Variants in GLS observed in about 807,000 individuals in gnomAD.
GLS encodes glutaminase.
A neutral mutation model predicts 86.7 loss-of-function variants in GLS; 36 were observed. The observed-to-expected ratio is 0.42, with a 90% CI of 0.32 to 0.55. The LOEUF (loss-of-function observed/expected upper bound fraction) is 0.55, where lower values mean the gene tolerates loss of function less well. Ranked by LOEUF, GLS falls within the 20% of genes least tolerant of loss-of-function variation. The probability of loss-of-function intolerance (pLI) is 0.17; values close to 1 mark genes in which losing one functional copy is unlikely to be tolerated. For missense variants in GLS, 528 were observed against 833.4 expected (o/e 0.63, Z 4.51); for synonymous variants, 317 against 305.9 (o/e 1.04, Z -0.38).
intron 17 of GLS, among the ~76,000 whole-genome samples, chr2:190,961,065 A>G (rs929885040): frequency 1.3e-5 from 2 of 152,224 alleles, no homozygotes; most frequent in Non-Finnish European, 2.9e-5. Flanking sequence ...ATTGGCCTCT[A>G]GGAATGTGAA....
chr2:190,954,533 G>C lies in GLS; in HGVS notation c.1713-51G>C, dbSNP rs963821336. On this transcript the variant is annotated intron_variant, in intron 15 of 17. Transcript: ENST00000320717. This position sits in a 1 kb window ranked among gnomAD's most constrained non-coding sequence, Gnocchi z 4.0. ...CTGATGGAGTGAATGTTACCAGTGT[G>C]AATTAAATTTGCTTTATATATAATA... 6 of 1,193,552 alleles carry C rather than the reference G, an allele frequency of 5.0e-6. No individual in the cohort carries two copies. The African/African-American group carries it at 9.1e-5, about 18-fold the overall frequency. 73.9% of individuals were successfully genotyped at this position (1,193,552 alleles called of 1,614,324 possible).
At chr2:190,889,356 A>G (rs1274580098) in intron 1 of GLS, among the ~76,000 whole-genome samples, 1 of 152,092 alleles carries the variant, frequency 6.6e-6, no homozygotes, top group African/African-American at 2.4e-5. Flanking sequence ...CATACTCCCT[A>G]TAGGTTGTTG....
chr2:190,933,272 T>C (rs1270283636), intron 14 of GLS: 1 of 905,446 alleles, frequency 1.1e-6, no homozygotes, highest in African/African-American at 1.8e-5. Context: ...TTAAAACTAA[T>C]GTGATGTCTT....
At chr2:190,903,182 C>T (rs981332155) in intron 5 of GLS, among the ~76,000 whole-genome samples, 2 of 152,132 alleles carry the variant, frequency 1.3e-5, no homozygotes, top group East Asian at 1.9e-4. Context: ...ATCTGTGACT[C>T]GTAAGGACCT....
Position 190,947,848 on chromosome 2 carries a change from AGTTT to A in GLS, c.1651-5711_1651-5708del, listed in dbSNP as rs1164880015. On this transcript the variant is annotated intron_variant, in intron 14 of 17. Coordinates refer to ENST00000320717, the MANE Select transcript of GLS (RefSeq NM_014905.5). The surrounding 1 kb of genome is among the most constrained non-coding windows in gnomAD (Gnocchi z 5.0). Reference sequence around the variant, plus strand: ...ATCTTCTAGAGTGCCCCTCTCCTTCAGTTTGTTTGCTATGATAGGCATTCCAGAG... The same window carrying A: ...ATCTTCTAGAGTGCCCCTCTCCTTCAGTTTGCTATGATAGGCATTCCAGAG... 6.6e-6 allele frequency among the ~76,000 whole-genome samples: 1 copy of A among 152,084 alleles called. No individual in the cohort carries two copies. The highest frequency in any genetic ancestry group is 2.4e-5 in the African/African-American group (1 of 41,402).
chr2:190,907,568 T>G (rs992527578), intron 6 of GLS, among the ~76,000 whole-genome samples: 1 of 152,204 alleles, frequency 6.6e-6, no homozygotes, highest in Non-Finnish European at 1.5e-5. Context: ...AACAGTAGTT[T>G]TAAAATGTTT....
chr2:190,934,269 G>A, intron 14 of GLS: 1 of 956,884 alleles, frequency 1.0e-6, no homozygotes, highest in Non-Finnish European at 1.2e-6. Context: ...TTAGATACTA[G>A]TGCAAATAAA....
intron 1 of GLS, 179 bp downstream of exon 1, chr2:190,881,649 C>G (rs954258204): frequency 1.7e-6 from 1 of 577,618 alleles, no homozygotes; most frequent in African/African-American, 2.0e-5. Flanking sequence ...CCCGCGCCTT[C>G]CCCGCCCGCA....
chr2:190,946,472 G>A (rs1690579539), intron 14 of GLS, among the ~76,000 whole-genome samples: 1 of 152,004 alleles, frequency 6.6e-6, no homozygotes, highest in South Asian at 2.1e-4. Context: ...ACTAGAGGTG[G>A]TAGAAACAGA....
In GLS at chr2:190,895,034, C is replaced by T. The variant is rs549386860; in HGVS notation, c.387-118C>T. ...AATCAACATTTATTATGACTGTAGT[C>T]TTGAGTATATGAGCTCAGCTGTAGT... On this transcript the variant is annotated intron_variant, in intron 1 of 17. Coordinates refer to ENST00000320717, the MANE Select transcript of GLS (RefSeq NM_014905.5). This position sits in a 1 kb window ranked among gnomAD's most constrained non-coding sequence, Gnocchi z 4.2. 16 of 533,110 alleles carry T rather than the reference C, an allele frequency of 3.0e-5. No individual in the cohort carries two copies. Among genetic ancestry groups the T allele is most frequent in the African/African-American group, 2.6e-4 (14 of 53,376 alleles). 33.0% of individuals were successfully genotyped at this position (533,110 alleles called of 1,614,324 possible).
At position 190,955,459 on chromosome 2, in the gene GLS, C is replaced by T. The variant is rs1359310131; in HGVS notation, c.1853+641C>T. Reference sequence around the variant, plus strand: ...CATGTCCCTGCAAAGGACATGAACTCATCCTTTTTTATGATTGCATAGTAT... The same window carrying T: ...CATGTCCCTGCAAAGGACATGAACTTATCCTTTTTTATGATTGCATAGTAT... On this transcript the variant is annotated intron_variant, in intron 17 of 17. Coordinates refer to ENST00000320717, the MANE Select transcript of GLS (RefSeq NM_014905.5). The surrounding 1 kb of genome is among the most constrained non-coding windows in gnomAD (Gnocchi z 5.6). Among the ~76,000 whole-genome samples, 1 of 152,192 alleles carries T rather than the reference C, an allele frequency of 6.6e-6. No homozygotes were observed. The highest frequency in any genetic ancestry group is 1.5e-5 in the Non-Finnish European group (1 of 68,034).
chr2:190,913,867 A>G lies in GLS; in HGVS notation c.1038+3546A>G. The G allele has an allele frequency of 3.3e-6, 1 of 299,232 alleles. No individual in the cohort carries two copies. The highest frequency in any genetic ancestry group is 4.9e-6 in the Non-Finnish European group (1 of 202,704). The allele number at this position is 299,232 out of a possible 1,614,324, so 18.5% of individuals were successfully genotyped here. ...CCAGTCTAAGTGCAGTGGTACAGTC[A>G]TAACCCACTGCAGCCTCAAACTCCT... On this transcript the variant is annotated intron_variant, in intron 7 of 17. Coordinates refer to ENST00000320717, the MANE Select transcript of GLS (RefSeq NM_014905.5). This position sits in a 1 kb window ranked among gnomAD's most constrained non-coding sequence, Gnocchi z 6.1.
At chr2:190,904,766 T>TAATAC (rs2124851275) in intron 5 of GLS, among the ~76,000 whole-genome samples, 1 of 152,282 alleles carries the variant, frequency 6.6e-6, no homozygotes, top group Non-Finnish European at 1.5e-5. Flanking sequence ...TATCATTGTA[T>TAATAC]ATAAGGGACT....
rs927320839 is a variant in GLS, at chr2:190,962,165, C to T, written c.1854-665C>T. Reference sequence around the variant, plus strand: ...CTTCTTATCCTTGAATATTCATCTACATCACTCTAAACAGCACAGCCCCAG... The same window carrying T: ...CTTCTTATCCTTGAATATTCATCTATATCACTCTAAACAGCACAGCCCCAG... On this transcript the variant is annotated intron_variant, in intron 17 of 17. Coordinates refer to ENST00000320717, the MANE Select transcript of GLS (RefSeq NM_014905.5). This position sits in a 1 kb window ranked among gnomAD's most constrained non-coding sequence, Gnocchi z 4.2. 2.0e-5 allele frequency among the ~76,000 whole-genome samples: 3 copies of T among 152,168 alleles called. No individual in the cohort carries two copies. The highest frequency in any genetic ancestry group is 4.4e-5 in the Non-Finnish European group (3 of 68,026).
At chr2:190,923,879 A>T in intron 9 of GLS, 38 bp from the exon 10 acceptor site, 1 of 1,256,894 alleles carries the variant, frequency 8.0e-7, no homozygotes, top group Non-Finnish European at 1.2e-6. Flanking sequence ...ACTTTTAAAG[A>T]AAGTACATAG....
At chr2:190,939,036 G>T (rs923212565) in intron 14 of GLS, among the ~76,000 whole-genome samples, 4 of 151,612 alleles carry the variant, frequency 2.6e-5, no homozygotes, top group African/African-American at 9.7e-5. Flanking sequence ...TAAATAAATA[G>T]AAGACTAGTC....
intron 1 of GLS, among the ~76,000 whole-genome samples, chr2:190,887,454 CAT>C (rs1688424132): frequency 6.6e-6 from 1 of 152,022 alleles, no homozygotes; most frequent in Non-Finnish European, 1.5e-5. Flanking sequence ...ACTTTCGAAA[CAT>C]AGAACTGTAG....
At position 190,943,507 on chromosome 2, in the gene GLS, G is replaced by C. The variant is rs1013785577; in HGVS notation, c.1651-10058G>C. On this transcript the variant is annotated intron_variant, in intron 14 of 17. Coordinates refer to ENST00000320717, the MANE Select transcript of GLS (RefSeq NM_014905.5). This position sits in a 1 kb window ranked among gnomAD's most constrained non-coding sequence, Gnocchi z 4.5. ...TGCAATATCAGCAGTCAAGGAAAGA[G>C]TATTTTAAGGAGTTTGGAGCATTGA... 2.0e-5 allele frequency among the ~76,000 whole-genome samples: 3 copies of C among 152,148 alleles called. No individual in the cohort carries two copies. Among genetic ancestry groups the C allele is most frequent in the African/African-American group, 7.2e-5 (3 of 41,434 alleles).
At position 190,956,569 on chromosome 2, in the gene GLS, C is replaced by T. The variant is rs944264118; in HGVS notation, c.1853+1751C>T. On this transcript the variant is annotated intron_variant, in intron 17 of 17. Coordinates refer to ENST00000320717, the MANE Select transcript of GLS (RefSeq NM_014905.5). The surrounding 1 kb of genome is among the most constrained non-coding windows in gnomAD (Gnocchi z 4.2). ...CAGCTTTCTTCTTTTTGCTTAGGATCGTCTTGGCTATGTGGGCTCTTTTTT... is the reference window on the plus strand; with the variant it reads ...CAGCTTTCTTCTTTTTGCTTAGGATTGTCTTGGCTATGTGGGCTCTTTTTT... Among the ~76,000 whole-genome samples the T allele has an allele frequency of 9.2e-5, 14 of 151,910 alleles. No homozygotes were observed. Among genetic ancestry groups the T allele is most frequent in the African/African-American group, 2.4e-4 (10 of 41,352 alleles).
Sources: gnomAD v4.1 joint callset for allele counts (sites outside exome capture counted in the v4.1 genomes callset) on GRCh38, gnomAD v4.1.1 for gene constraint, Gnocchi (gnomAD v3.1) non-coding constraint, MANE v1.5 for transcripts, NCBI Gene and HGNC (gene_info 2026-07-23, HGNC 2026-07-21) for gene names.